The following ADAM10 variants were observed in gnomAD, a reference collection of about 807,000 sequenced individuals.
ADAM10 encodes the protein disintegrin and metalloproteinase domain-containing protein 10.
ADAM10 carries 17 observed loss-of-function variants against 90.1 expected under a neutral mutation model. That is an observed-to-expected ratio of 0.19 (90% CI 0.13 to 0.28). ADAM10 has a LOEUF of 0.28. Among genes scored for constraint, ADAM10 ranks in the 10% least tolerant of loss-of-function variants. The pLI is 1.00. For synonymous variants in ADAM10, 310 were observed against 298.6 expected (o/e 1.04, Z -0.40); for missense variants, 610 against 914.3 (o/e 0.67, Z 4.29).
chr15:58,640,476 A>G (rs1368032416), intron 8 of ADAM10, among the ~76,000 whole-genome samples: 2 of 152,148 alleles, frequency 1.3e-5, no homozygotes, highest in African/African-American at 4.8e-5. Flanking sequence ...ACTTTTGTGG[A>G]AAAATTAAAT....
At position 58,737,283 on chromosome 15, in the gene ADAM10, T is replaced by C. The variant is rs541708729; in HGVS notation, c.55+12197A>G. 1.3e-5 allele frequency among the ~76,000 whole-genome samples: 2 copies of C among 152,252 alleles called. 1 individual carries two copies. Among genetic ancestry groups the C allele is most frequent in the African/African-American group, 4.8e-5 (2 of 41,562 alleles). Reference sequence around the variant, plus strand: ...CATATATATTTATCTATGACAAAACTGAAATGGTTTTATGCGTGTTCTTTC... The same window carrying C: ...CATATATATTTATCTATGACAAAACCGAAATGGTTTTATGCGTGTTCTTTC... On this transcript the variant is annotated intron_variant, in intron 1 of 15. Coordinates refer to ENST00000260408, the MANE Select transcript of ADAM10 (RefSeq NM_001110.4).
chr15:58,702,592 T>C (rs774020523), intron 2 of ADAM10, among the ~76,000 whole-genome samples: 6 of 152,362 alleles, frequency 3.9e-5, no homozygotes, highest in Admixed American at 6.5e-5. Flanking sequence ...ACAAGTATTA[T>C]GTATTTAAAT....
intron 1 of ADAM10, among the ~76,000 whole-genome samples, chr15:58,728,039 T>C (rs1899098672): frequency 6.6e-6 from 1 of 152,178 alleles, no homozygotes; most frequent in South Asian, 2.1e-4. Flanking sequence ...ATAGATAGAA[T>C]ATATTTCTTT....
At chr15:58,747,733 T>A (rs563067998) in intron 1 of ADAM10, 8 of 152,324 alleles carry the variant, frequency 5.3e-5, no homozygotes, top group East Asian at 1.9e-4. Flanking sequence ...AATAAAGGAC[T>A]CTGGAAATAT....
At chr15:58,638,140 T>C (rs1421530854) in intron 8 of ADAM10, among the ~76,000 whole-genome samples, 2 of 151,992 alleles carry the variant, frequency 1.3e-5, no homozygotes, top group African/African-American at 4.8e-5. Flanking sequence ...TCTTAGAAGA[T>C]GGCTTCCAAG....
At chr15:58,702,601 ATTT>A (rs1177382853) in intron 2 of ADAM10, among the ~76,000 whole-genome samples, 1 of 152,216 alleles carries the variant, frequency 6.6e-6, no homozygotes, top group African/African-American at 2.4e-5. Flanking sequence ...ATGTATTTAA[ATTT>A]TTTAAAATAA....
intron 3 of ADAM10, among the ~76,000 whole-genome samples, chr15:58,679,703 G>A (rs1897376500): frequency 6.6e-6 from 1 of 152,074 alleles, no homozygotes; most frequent in South Asian, 2.1e-4. Flanking sequence ...CCAGGAGTTC[G>A]AGACCAGCCT....
At chr15:58,688,786 A>ATATATATATATCTCTCTC in intron 2 of ADAM10, among the ~76,000 whole-genome samples, 1,375 of 122,164 alleles carry the variant, frequency 0.011, 39 homozygotes, top group African/African-American at 0.046. Context: ...ATATATATAT[A>ATATATATATATCTCTCTC]TCTCTCTCTC....
intron 11 of ADAM10, among the ~76,000 whole-genome samples, chr15:58,619,629 G>A (rs1895721154): frequency 6.6e-6 from 1 of 152,114 alleles, no homozygotes; most frequent in Non-Finnish European, 1.5e-5. Context: ...TAGGGGCCGG[G>A]TGCAGTGGCT....
chr15:58,656,696 T>G lies in ADAM10; in HGVS notation c.585+8401A>C, dbSNP rs553249137. On this transcript the variant is annotated intron_variant, in intron 5 of 15. Coordinates refer to ENST00000260408, the MANE Select transcript of ADAM10 (RefSeq NM_001110.4). ...TCCTGAAGAGTTATTTTTTATCAGT[T>G]CATCATTTAGTCTTTCTACTCAAGA... 6.0e-4 allele frequency among the ~76,000 whole-genome samples: 92 copies of G among 152,354 alleles called. 2 individuals carry two copies. The Middle Eastern group carries it at 0.014, about 23-fold the overall frequency.
chr15:58,633,743 AT>A (rs1264753282), intron 8 of ADAM10, among the ~76,000 whole-genome samples: 2 of 152,214 alleles, frequency 1.3e-5, no homozygotes, highest in Admixed American at 1.3e-4. Flanking sequence ...AAATCTTATG[AT>A]TTAAGTTAAA....
intron 2 of ADAM10, chr15:58,692,643 T>C: frequency 1.8e-6 from 1 of 559,844 alleles, no homozygotes; most frequent in Non-Finnish European, 3.6e-6. Flanking sequence ...TCTGATCTTC[T>C]TTAAGGTGAA....
chr15:58,726,931 C>T (rs997916629), intron 1 of ADAM10, among the ~76,000 whole-genome samples: 1 of 149,240 alleles, frequency 6.7e-6, no homozygotes, highest in Non-Finnish European at 1.5e-5. Context: ...AAGGAGAAGA[C>T]GAAGGGGAAG....
At chr15:58,731,774 T>C (rs1377333323) in intron 1 of ADAM10, among the ~76,000 whole-genome samples, 1 of 152,146 alleles carries the variant, frequency 6.6e-6, no homozygotes, top group Non-Finnish European at 1.5e-5. Context: ...GGTGTTTCTT[T>C]AAGAGTGTCA....
At chr15:58,622,232 C>A (rs1224511168) in intron 10 of ADAM10, among the ~76,000 whole-genome samples, 1 of 152,072 alleles carries the variant, frequency 6.6e-6, no homozygotes, top group Non-Finnish European at 1.5e-5. Context: ...TTATTTAAAC[C>A]TAACCATAAT....
chr15:58,593,881 G>C lies in ADAM10; in HGVS notation c.*3666C>G, dbSNP rs1446078848. On this transcript the variant is annotated 3_prime_UTR_variant, in exon 16 of 16. Coordinates refer to ENST00000260408, the MANE Select transcript of ADAM10 (RefSeq NM_001110.4). ...AACAATATAGTAATATAAAACAGAA[G>C]GGCTAAATTTCTATCCTAATCATAT... 1 of 152,006 alleles carries C rather than the reference G, an allele frequency of 6.6e-6. No homozygotes were observed. The highest frequency in any genetic ancestry group is 2.4e-5 in the African/African-American group (1 of 41,364). The allele number at this position is 152,006 out of a possible 1,614,324, so 9.4% of individuals were successfully genotyped here.
At chr15:58,716,402 G>C (rs1414268555) in intron 2 of ADAM10, among the ~76,000 whole-genome samples, 1 of 152,054 alleles carries the variant, frequency 6.6e-6, no homozygotes, top group Non-Finnish European at 1.5e-5. Context: ...AAGTTTAGAC[G>C]GAATTAAAAA....
chr15:58,693,244 G>C, intron 2 of ADAM10: 1 of 587,738 alleles, frequency 1.7e-6, no homozygotes, highest in South Asian at 1.6e-5. Context: ...GGTGGGCTGA[G>C]TGTCCAAAAT....
intron 11 of ADAM10, among the ~76,000 whole-genome samples, chr15:58,615,847 A>T (rs1895593827): frequency 6.6e-6 from 1 of 152,078 alleles, no homozygotes; most frequent in Non-Finnish European, 1.5e-5. Flanking sequence ...GTCTCTATTA[A>T]AAATACAAAA....
Sources: gnomAD v4.1 joint callset for allele counts (sites outside exome capture counted in the v4.1 genomes callset) on GRCh38, gnomAD v4.1.1 for gene constraint, MANE v1.5 for transcripts, NCBI Gene and HGNC (gene_info 2026-07-23, HGNC 2026-07-21) for gene names.